Variants in MOV10L1 observed in about 807,000 individuals in gnomAD.
The protein encoded by MOV10L1 is RNA helicase Mov10l1.
MOV10L1 carries 110 observed loss-of-function variants against 143.8 expected under a neutral mutation model. The ratio of observed to expected loss-of-function variants is 0.76; its 90% CI spans 0.66 to 0.90. The LOEUF (loss-of-function observed/expected upper bound fraction) is 0.90. Among genes scored for constraint, MOV10L1 ranks in the 40% least tolerant of loss-of-function variants. The pLI, the probability that MOV10L1 is intolerant of heterozygous loss-of-function variation, is 0.00. For missense variants in MOV10L1, 1,406 were observed against 1,526.8 expected, an observed-to-expected ratio of 0.92 and a Z score of 1.32; for synonymous variants, 593 against 581.1, an observed-to-expected ratio of 1.02 and a Z score of -0.29.
At chr22:50,157,419 C>T (rs1434313107) in intron 22 of MOV10L1, among the ~76,000 whole-genome samples, 1 of 152,078 alleles carries the variant, frequency 6.6e-6, no homozygotes, top group Non-Finnish European at 1.5e-5. Flanking sequence ...AACCTAATGT[C>T]GTGGGGCTTT....
Position 50,115,304 on chromosome 22 carries a change from G to T in MOV10L1, c.1259+58G>T, listed in dbSNP as rs59000831. 609 of 1,434,102 alleles carry T rather than the reference G, an allele frequency of 4.2e-4. 2 individuals are homozygous for T. In the East Asian group the frequency reaches 0.014, roughly 34 times the overall value. 88.8% of individuals were successfully genotyped at this position (1,434,102 alleles called of 1,614,324 possible). On this transcript the variant is annotated intron_variant, in intron 8 of 26. Coordinates refer to ENST00000262794, the MANE Select transcript of MOV10L1 (RefSeq NM_018995.3). The stretch of plus-strand genomic sequence containing the variant: ...TTTTAAGTTTCTCTGATACTTCTAG[G>T]TTGGGTGTTATAAAAGGTACTCCTT...
intron 10 of MOV10L1, among the ~76,000 whole-genome samples, chr22:50,121,756 G>A (rs986695064): frequency 2.0e-5 from 3 of 152,214 alleles, no homozygotes; most frequent in Non-Finnish European, 4.4e-5. Context: ...ACCCAGGTCT[G>A]CTGGGCTTGG....
chr22:50,108,562 CT>C, intron 4 of MOV10L1, 94 bp from the exon 5 acceptor site: 2 of 1,370,612 alleles, frequency 1.5e-6, no homozygotes, highest in South Asian at 2.6e-5. Context: ...CCTGGTGCAG[CT>C]TGTGTGCTTT....
Position 50,159,847 on chromosome 22 carries a change from G to A in MOV10L1, c.3324+62G>A. 1 of 1,154,692 alleles carries A rather than the reference G, an allele frequency of 8.7e-7. No homozygotes were observed. Among genetic ancestry groups the A allele is most frequent in the African/African-American group, 1.5e-5 (1 of 64,784 alleles). The allele number at this position is 1,154,692 out of a possible 1,614,324, so 71.5% of individuals were successfully genotyped here. A position where few individuals can be genotyped will look rare whatever the true frequency, so the allele number is the denominator to read the frequency against. ...GGTGCTTGCTGCCCTGGGGGTTCTGGGGGCTTCAGATCTAAAGGGGCAGAG... is the reference window on the plus strand; with the variant it reads ...GGTGCTTGCTGCCCTGGGGGTTCTGAGGGCTTCAGATCTAAAGGGGCAGAG... On this transcript the variant is annotated intron_variant, in intron 24 of 26. Transcript: ENST00000262794. The surrounding 1 kb of genome is among the most constrained non-coding windows in gnomAD (Gnocchi z 4.1).
chr22:50,099,442 G>A lies in MOV10L1; in HGVS notation c.283-1G>A. 6.2e-7 allele frequency: 1 copy of A among 1,613,652 alleles called. No individual in the cohort carries two copies. Among genetic ancestry groups the A allele is most frequent in the Non-Finnish European group, 8.5e-7 (1 of 1,179,692 alleles). On this transcript the variant is annotated splice_acceptor_variant, in intron 2 of 26. Transcript: ENST00000262794. LOFTEE classifies it high-confidence loss of function. ...TTTAGAGCGGTGTGTTTGTTTTACA[G>A]GTAGAAGCTGTCTCTGATAAGTGGG...
chr22:50,090,676 T>TTC, intron 1 of MOV10L1: 2 of 793,816 alleles, frequency 2.5e-6, no homozygotes, highest in East Asian at 6.0e-5. Context: ...CCTGAGGTGT[T>TTC]TGTGTGTGTG....
chr22:50,125,908 C>T (rs1359643780), intron 11 of MOV10L1, among the ~76,000 whole-genome samples: 1 of 151,902 alleles, frequency 6.6e-6, no homozygotes, highest in African/African-American at 2.4e-5. Flanking sequence ...CTGCCTTAGC[C>T]TCCCGAGTAG....
chr22:50,134,943 A>G (rs751935767), intron 15 of MOV10L1, among the ~76,000 whole-genome samples: 1 of 152,200 alleles, frequency 6.6e-6, no homozygotes, highest in Non-Finnish European at 1.5e-5. Flanking sequence ...GCTACAATAT[A>G]TTAAATAGGG....
At chr22:50,147,013 C>G (rs4838811) in intron 19 of MOV10L1, 373,047 of 1,530,664 alleles carry the variant, frequency 0.24, 47,053 homozygotes, top group Admixed American at 0.39. Flanking sequence ...CTGAACAAGA[C>G]AGGGATTTTT....
chr22:50,092,127 A>G lies in MOV10L1; in HGVS notation c.224A>G (p.Gln75Arg), dbSNP rs778083042. 44 of 1,614,108 alleles carry G rather than the reference A, an allele frequency of 2.7e-5. No individual in the cohort carries two copies. In the Middle Eastern group the frequency reaches 4.9e-4, roughly 18 times the overall value. The change falls in exon 2 of 27, where the codon CAG (glutamine) becomes CGG (arginine). Residue 75 changes from glutamine to arginine, a missense_variant. Physicochemically the swap from Gln to Arg is conservative, Grantham distance 43. Transcript: ENST00000262794. Reference sequence around the variant, plus strand: ...AGCAGAGTGCTTCTGAATGTTGGACAGGAAGTGATTGCAGTTGTGGAAGAA... The same window carrying G: ...AGCAGAGTGCTTCTGAATGTTGGACGGGAAGTGATTGCAGTTGTGGAAGAA... ...VTSRVLLNVG[Q>R]EVIAVVEENK...
Position 50,108,699 on chromosome 22 carries a change from G to T in MOV10L1, c.598G>T (p.Glu200Ter). 6.2e-7 allele frequency: 1 copy of T among 1,614,184 alleles called. No homozygotes were observed. ...SLCGRNGVLE[E>*]SIFFTLDSLK... ...CTGTGGAAGGAACGGGGTGTTAGAG[G>T]AAAGCATCTTCTTTACCTTGGACTC... Residue 200 changes from glutamate (E) to a stop codon, truncating the protein, a stop_gained, in exon 5 of 27, where the codon GAA (glutamate) becomes TAA (stop). Transcript: ENST00000262794. LOFTEE classifies it high-confidence loss of function.
intron 5 of MOV10L1, among the ~76,000 whole-genome samples, chr22:50,109,408 G>C (rs955912225): frequency 1.3e-5 from 2 of 152,000 alleles, no homozygotes; most frequent in African/African-American, 4.8e-5. Context: ...GGTGGCTCAC[G>C]CCTGTAATCT....
At chr22:50,104,924 C>T (rs2061832518) in intron 3 of MOV10L1, among the ~76,000 whole-genome samples, 1 of 149,244 alleles carries the variant, frequency 6.7e-6, no homozygotes, top group South Asian at 2.1e-4. Context: ...CAGAGTCTCC[C>T]TCTGTCATCC....
rs2063469979 is a variant in MOV10L1 at position 50,158,019 on chromosome 22, C to T, written c.3067-38C>T. 2 of 1,588,848 alleles carry T rather than the reference C, an allele frequency of 1.3e-6. No homozygotes were observed. The highest frequency in any genetic ancestry group is 1.7e-6 in the Non-Finnish European group (2 of 1,165,320). ...GGATTGTAGCCTTCTGGTGAATATT[C>T]ATGAAGTAAAGTAGGTTTTCTCTCC... On this transcript the variant is annotated intron_variant, in intron 22 of 26. Transcript: ENST00000262794. The surrounding 1 kb of genome is among the most constrained non-coding windows in gnomAD (Gnocchi z 5.0).
At chr22:50,147,673 C>A (rs535388512) in intron 19 of MOV10L1, among the ~76,000 whole-genome samples, 17 of 152,328 alleles carry the variant, frequency 1.1e-4, no homozygotes, top group African/African-American at 3.6e-4. Context: ...TGGGGAGGGG[C>A]ACTTCAAAGG....
chr22:50,128,870 G>A (rs548708969), intron 13 of MOV10L1, among the ~76,000 whole-genome samples: 2 of 149,966 alleles, frequency 1.3e-5, no homozygotes, highest in Non-Finnish European at 3.0e-5. Context: ...ATAGAGATGG[G>A]GTCCCAGGCT....
At chr22:50,157,655 A>G (rs2063459843) in intron 22 of MOV10L1, among the ~76,000 whole-genome samples, 1 of 150,474 alleles carries the variant, frequency 6.6e-6, no homozygotes, top group South Asian at 2.1e-4. Context: ...TCTCCGTTCT[A>G]CCCTGTTGAT....
In MOV10L1 at chr22:50,143,046, A is replaced by G. The variant is rs1215813249; in HGVS notation, c.2183A>G (p.Asp728Gly). ...ACTTTCTTCACTTTGAATACAGTAG[A>G]TGAAATTCAGACCCCTAAAGCAAGA... Reference protein sequence around the residue: ...PFTAEMSDWVDEIQTPKARKM... With the variant: ...PFTAEMSDWVGEIQTPKARKM... The change falls in exon 17 of 27, where the codon GAT (aspartate) becomes GGT (glycine). Residue 728 changes from aspartate (D) to glycine (G), a missense_variant. Transcript: ENST00000262794. 6.2e-7 allele frequency: 1 copy of G among 1,613,830 alleles called. No homozygotes were observed. The highest frequency in any genetic ancestry group is 8.5e-7 in the Non-Finnish European group (1 of 1,179,856).
chr22:50,122,971 T>C (rs562793399), intron 10 of MOV10L1, among the ~76,000 whole-genome samples: 1 of 151,992 alleles, frequency 6.6e-6, no homozygotes, highest in East Asian at 1.9e-4. Context: ...TACAGGCAAG[T>C]ATGGGTGTGA....
Sources: gnomAD v4.1 joint callset for allele counts (sites outside exome capture counted in the v4.1 genomes callset) on GRCh38, gnomAD v4.1.1 for gene constraint, Gnocchi (gnomAD v3.1) non-coding constraint, MANE v1.5 for transcripts, NCBI Gene and HGNC (gene_info 2026-07-23, HGNC 2026-07-21) for gene names.